The following KDM4C variants were observed in gnomAD, a reference collection of about 807,000 sequenced individuals.
KDM4C encodes lysine demethylase 4C, also known as lysine-specific demethylase 4C.
Under a neutral mutation model 129.3 loss-of-function variants are expected in KDM4C, and 81 were observed. The observed-to-expected ratio is 0.63, with a 90% CI of 0.52 to 0.75. The LOEUF (loss-of-function observed/expected upper bound fraction) is 0.75. KDM4C is among the 30% of genes least tolerant of loss of function. The pLI is 0.00. For synonymous variants in KDM4C, 573 were observed against 456.1 expected (o/e 1.26, Z -3.26); for missense variants, 1,457 against 1,304.0 (o/e 1.12, Z -1.81).
At chr9:7,076,638 G>C (rs575504927) in intron 17 of KDM4C, 1 of 1,336,428 alleles carries the variant, frequency 7.5e-7, no homozygotes, top group Non-Finnish European at 9.6e-7. Flanking sequence ...TCAGACCCTG[G>C]ACTTTCCCTT....
intron 1 of KDM4C, among the ~76,000 whole-genome samples, chr9:6,742,542 G>A (rs1378709060): frequency 1.3e-5 from 2 of 149,664 alleles, no homozygotes. Flanking sequence ...AAAATTTTTA[G>A]CCATTGTTTC....
chr9:6,729,125 ACCCGGG>A (rs1817241094), intron 1 of KDM4C, among the ~76,000 whole-genome samples: 3 of 121,880 alleles, frequency 2.5e-5, no homozygotes, highest in Admixed American at 9.6e-5. Context: ...AATTGCTTGA[ACCCGGG>A]AAGCAGAGGT....
chr9:6,878,613 G>C (rs1156691490), intron 5 of KDM4C, among the ~76,000 whole-genome samples: 1 of 152,156 alleles, frequency 6.6e-6, no homozygotes, highest in African/African-American at 2.4e-5. Context: ...GTGAGCATAT[G>C]GTTGAACTTT....
intron 19 of KDM4C, among the ~76,000 whole-genome samples, chr9:7,128,619 C>G (rs539335330): frequency 6.6e-6 from 1 of 152,258 alleles, no homozygotes; most frequent in Admixed American, 6.5e-5. Context: ...ACTTTCTTTT[C>G]TTTATGCTTA....
intron 16 of KDM4C, 36 bp downstream of exon 16, chr9:7,046,953 T>G (rs1829493239): frequency 7.0e-7 from 1 of 1,421,280 alleles, no homozygotes; most frequent in Admixed American, 1.7e-5. Flanking sequence ...ATTTCATTAT[T>G]TTTCTTTCTC....
At chr9:6,833,770 C>A (rs1371168569) in intron 4 of KDM4C, among the ~76,000 whole-genome samples, 1 of 152,142 alleles carries the variant, frequency 6.6e-6, no homozygotes, top group Non-Finnish European at 1.5e-5. Context: ...CAGGCCTTAA[C>A]GAGATAGTTA....
Position 6,970,705 on chromosome 9 carries a change from G to A in KDM4C, c.922-10220G>A, listed in dbSNP as rs563746581. 2.0e-5 allele frequency among the ~76,000 whole-genome samples: 3 copies of A among 152,272 alleles called. No individual in the cohort carries two copies. In the South Asian group the frequency reaches 6.2e-4, roughly 32 times the overall value. On this transcript the variant is annotated intron_variant, in intron 8 of 21. Transcript: ENST00000381309. ...AGTTGAGAAGCCATTTTCAACTTAT[G>A]TCCTGTTCTTGGACAAAGGGAAGGA...
intron 1 of KDM4C, among the ~76,000 whole-genome samples, chr9:6,763,852 G>T (rs2130491430): frequency 6.6e-6 from 1 of 152,300 alleles, no homozygotes; most frequent in Middle Eastern, 3.4e-3. Context: ...CCGCCTCCCA[G>T]TTTCAAGCAA....
chr9:7,061,813 T>G (rs1831715950), intron 17 of KDM4C, among the ~76,000 whole-genome samples: 1 of 152,250 alleles, frequency 6.6e-6, no homozygotes, highest in Admixed American at 6.5e-5. Flanking sequence ...TGGAGTTGCC[T>G]AATTTCATAG....
At chr9:7,171,915 C>G (rs1003684727) in intron 21 of KDM4C, among the ~76,000 whole-genome samples, 2 of 152,034 alleles carry the variant, frequency 1.3e-5, no homozygotes, top group East Asian at 1.9e-4. Flanking sequence ...GCGGCTAAGC[C>G]AAGTAGAAAA....
At chr9:6,732,581 G>T in intron 1 of KDM4C, among the ~76,000 whole-genome samples, 1 of 151,852 alleles carries the variant, frequency 6.6e-6, no homozygotes, top group East Asian at 1.9e-4. Flanking sequence ...AAGGAGGGAA[G>T]CCAGACATTG....
At chr9:6,890,453 T>A (rs1221004562) in intron 7 of KDM4C, among the ~76,000 whole-genome samples, 3 of 152,182 alleles carry the variant, frequency 2.0e-5, no homozygotes, top group African/African-American at 4.8e-5. Flanking sequence ...TTCATTGTAT[T>A]TGCCATATTC....
chr9:6,864,927 G>C (rs1056245646), intron 5 of KDM4C, among the ~76,000 whole-genome samples: 9 of 146,200 alleles, frequency 6.2e-5, no homozygotes, highest in African/African-American at 2.0e-4. Flanking sequence ...TAATTTTTTA[G>C]TTCAGCAAAT....
chr9:6,988,674 A>G (rs935756146), intron 11 of KDM4C, among the ~76,000 whole-genome samples: 8 of 151,666 alleles, frequency 5.3e-5, no homozygotes, highest in Non-Finnish European at 1.2e-4. Flanking sequence ...CCATCCATCC[A>G]TCCATCCATC....
At chr9:6,851,893 C>T (rs1416879489) in intron 5 of KDM4C, among the ~76,000 whole-genome samples, 1 of 152,158 alleles carries the variant, frequency 6.6e-6, no homozygotes, top group Non-Finnish European at 1.5e-5. Flanking sequence ...GTATTTCTTT[C>T]TTGCAGCTTG....
intron 1 of KDM4C, among the ~76,000 whole-genome samples, chr9:6,741,130 G>T (rs1276275400): frequency 1.3e-5 from 2 of 152,020 alleles, no homozygotes; most frequent in African/African-American, 4.8e-5. Flanking sequence ...AGGCACAGTG[G>T]CTCACACCTG....
intron 8 of KDM4C, among the ~76,000 whole-genome samples, chr9:6,934,691 T>C (rs1274041391): frequency 6.6e-6 from 1 of 151,756 alleles, no homozygotes; most frequent in Admixed American, 6.6e-5. Context: ...CTCAATCTCT[T>C]GACCTCGTGA....
intron 19 of KDM4C, among the ~76,000 whole-genome samples, chr9:7,160,309 C>T (rs1387246485): frequency 6.6e-6 from 1 of 152,090 alleles, no homozygotes; most frequent in Non-Finnish European, 1.5e-5. Flanking sequence ...TTTGTTATTA[C>T]CGACCTTCTG....
intron 15 of KDM4C, 50 bp downstream of exon 15, chr9:7,015,979 C>T (rs778354056): frequency 7.7e-7 from 1 of 1,297,874 alleles, no homozygotes; most frequent in Non-Finnish European, 1.1e-6. Context: ...ACCCTACCCA[C>T]TGTGGACACA....
Sources: allele counts gnomAD v4.1 joint callset (sites outside exome capture counted in the v4.1 genomes callset), GRCh38; gene constraint gnomAD v4.1.1; transcripts MANE v1.5; gene names NCBI Gene and HGNC (gene_info 2026-07-23, HGNC 2026-07-21).